NKD1: variants seen among roughly 807,000 people sequenced by gnomAD.
NKD1 encodes the protein protein naked cuticle homolog 1.
Under a neutral mutation model 56.0 loss-of-function variants are expected in NKD1, and 21 were observed. That is an observed-to-expected ratio of 0.38 (90% CI 0.27 to 0.54). NKD1 has a LOEUF of 0.54. NKD1 is among the 20% of genes least tolerant of loss of function. NKD1 has a pLI of 0.82. For missense variants in NKD1, 578 were observed against 642.7 expected (o/e 0.90, Z 1.09); for synonymous variants, 263 against 265.7 (o/e 0.99, Z 0.10).
In NKD1 at chr16:50,575,408, A is replaced by G. The variant is rs191309511; in HGVS notation, c.192+25853A>G. ...GAGGGTAATTGTATTTTCGGGGAGA[A>G]AGAACAAATGGGGTTGTCTGTGTTC... On this transcript the variant is annotated intron_variant, in intron 3 of 9. Coordinates refer to ENST00000268459, the MANE Select transcript of NKD1 (RefSeq NM_033119.5). 3.4e-5 allele frequency: 31 copies of G among 920,494 alleles called. No individual in the cohort carries two copies. The Admixed American group carries it at 4.3e-4, about 13-fold the overall frequency. 57.0% of individuals were successfully genotyped at this position (920,494 alleles called of 1,614,324 possible).
At chr16:50,565,371 C>CAAA (rs200279746) in intron 3 of NKD1, among the ~76,000 whole-genome samples, 1 of 110,938 alleles carries the variant, frequency 9.0e-6, no homozygotes, top group Admixed American at 1.0e-4. Context: ...GACTCCGTCT[C>CAAA]AAAAAAAAAA....
At chr16:50,589,766 C>CCTCTT in intron 3 of NKD1, among the ~76,000 whole-genome samples, 1 of 57,934 alleles carries the variant, frequency 1.7e-5, no homozygotes, top group East Asian at 6.4e-4. Flanking sequence ...TCTCTTCTCT[C>CCTCTT]CTCTCCTCTC....
At position 50,633,793 on chromosome 16, in the gene NKD1, A is replaced by AGGGCCC; in HGVS notation, c.*13_*18dup. ...TCTACCAGACATAGAGCCCCTCCCC[A>AGGGCCC]GGGCCCCACCCTGCCATATGAAGGA... On this transcript the variant is annotated 3_prime_UTR_variant, in exon 10 of 10. Coordinates refer to ENST00000268459, the MANE Select transcript of NKD1 (RefSeq NM_033119.5). This position sits in a 1 kb window ranked among gnomAD's most constrained non-coding sequence, Gnocchi z 4.9. 1 of 1,407,538 alleles carries AGGGCCC rather than the reference A, an allele frequency of 7.1e-7. No individual in the cohort carries two copies. The highest frequency in any genetic ancestry group is 9.5e-7 in the Non-Finnish European group (1 of 1,053,818). 87.2% of individuals were successfully genotyped at this position (1,407,538 alleles called of 1,614,324 possible). A position where few individuals can be genotyped will look rare whatever the true frequency, so the allele number is the denominator to read the frequency against.
intron 4 of NKD1, among the ~76,000 whole-genome samples, chr16:50,610,758 A>G (rs1454202605): frequency 6.6e-6 from 1 of 152,194 alleles, no homozygotes; most frequent in Non-Finnish European, 1.5e-5. Context: ...GCCGGCCCTA[A>G]TCCAGCATCT....
intron 3 of NKD1, among the ~76,000 whole-genome samples, chr16:50,589,753 T>C (rs1352955408): frequency 1.1e-5 from 1 of 91,198 alleles, no homozygotes; most frequent in East Asian, 3.2e-4. Flanking sequence ...TCTTCTCTTC[T>C]CTTCTCTTCT....
chr16:50,579,768 C>T (rs984183063), intron 3 of NKD1, among the ~76,000 whole-genome samples: 11 of 148,722 alleles, frequency 7.4e-5, no homozygotes, highest in Non-Finnish European at 1.2e-4. Context: ...GCGGGCTACC[C>T]GCTACACACG....
chr16:50,628,879 C>T (rs1021941722), intron 6 of NKD1, among the ~76,000 whole-genome samples: 20 of 152,046 alleles, frequency 1.3e-4, no homozygotes, highest in African/African-American at 4.6e-4. Flanking sequence ...CTGGTGAGGG[C>T]TCGCTTCCTG....
intron 3 of NKD1, among the ~76,000 whole-genome samples, chr16:50,599,646 A>T (rs1320493958): frequency 6.6e-6 from 1 of 152,082 alleles, no homozygotes; most frequent in African/African-American, 2.4e-5. Context: ...TATATTCATG[A>T]CCTCAGTTAC....
intron 8 of NKD1, 90 bp downstream of exon 8, chr16:50,631,000 CTG>C (rs1447542473): frequency 1.0e-6 from 1 of 992,586 alleles, no homozygotes; most frequent in African/African-American, 1.6e-5. Context: ...TTGCTCTGGT[CTG>C]TGTTCTCTTC....
At chr16:50,594,398 C>T (rs1007277211) in intron 3 of NKD1, among the ~76,000 whole-genome samples, 1 of 152,208 alleles carries the variant, frequency 6.6e-6, no homozygotes, top group South Asian at 2.1e-4. Flanking sequence ...CTCCAACTAC[C>T]CGCGTAGTTC....
intron 3 of NKD1, among the ~76,000 whole-genome samples, chr16:50,583,054 C>T (rs981046134): frequency 2.0e-5 from 3 of 152,126 alleles, no homozygotes; most frequent in Admixed American, 6.5e-5. Flanking sequence ...GTGCTGCTAC[C>T]GACTTGGGTG....
At position 50,633,339 on chromosome 16, in the gene NKD1, C is replaced by A. The variant is rs139958715; in HGVS notation, c.971C>A (p.Pro324Gln). The A allele has an allele frequency of 1.9e-5, 31 of 1,614,058 alleles. No individual in the cohort carries two copies. The highest frequency in any genetic ancestry group is 2.5e-5 in the Non-Finnish European group (30 of 1,180,024). ...GCCTCCTTCCACTTCCTTGACACCC[C>A]AATCGCCAAGGTCTCAGAGCTCCAG... ...DPASFHFLDT[P>Q]IAKVSELQQR... The change falls in exon 10 of 10, where the codon CCA becomes CAA. Residue 324 changes from proline (P) to glutamine (Q), a missense_variant. Pro to Gln is a moderately conservative substitution (Grantham distance 76). Transcript: ENST00000268459. This position sits in a 1 kb window ranked among gnomAD's most constrained non-coding sequence, Gnocchi z 4.9.
chr16:50,574,036 C>T, intron 3 of NKD1: 3 of 902,676 alleles, frequency 3.3e-6, no homozygotes, highest in Non-Finnish European at 4.0e-6. Flanking sequence ...TATGTCTTTT[C>T]AGTACTTTTT....
At chr16:50,587,286 A>G (rs1028563454) in intron 3 of NKD1, among the ~76,000 whole-genome samples, 6 of 152,226 alleles carry the variant, frequency 3.9e-5, no homozygotes, top group Non-Finnish European at 7.3e-5. Context: ...TTCCTAGACT[A>G]TGTCAAGACT....
At chr16:50,592,212 G>A (rs1283601486) in intron 3 of NKD1, among the ~76,000 whole-genome samples, 7 of 152,204 alleles carry the variant, frequency 4.6e-5, no homozygotes, top group Non-Finnish European at 7.3e-5. Context: ...GCTGTCCCAA[G>A]GCCAGCGCGT....
intron 3 of NKD1, among the ~76,000 whole-genome samples, chr16:50,560,795 A>G (rs1337436133): frequency 6.7e-6 from 1 of 149,338 alleles, no homozygotes; most frequent in Non-Finnish European, 1.5e-5. Flanking sequence ...ATGTATACAC[A>G]CACTTTACAC....
intron 3 of NKD1, chr16:50,552,423 G>T (rs890849595): frequency 5.3e-5 from 8 of 152,246 alleles, no homozygotes; most frequent in African/African-American, 1.9e-4. Context: ...TGAGCCAGTC[G>T]TGGGGCAGGC....
chr16:50,599,337 T>C lies in NKD1; in HGVS notation c.193-8957T>C, dbSNP rs1596731875. ...CAACTGCCCTGCCAGGTGGGGGCTGTCATTTCCACTTTCAGCTGGGGAAAC... is the reference window on the plus strand; with the variant it reads ...CAACTGCCCTGCCAGGTGGGGGCTGCCATTTCCACTTTCAGCTGGGGAAAC... On this transcript the variant is annotated intron_variant, in intron 3 of 9. Transcript: ENST00000268459. 2.0e-5 allele frequency among the ~76,000 whole-genome samples: 3 copies of C among 152,220 alleles called. No individual in the cohort carries two copies. In the South Asian group the frequency reaches 6.2e-4, roughly 32 times the overall value.
intron 3 of NKD1, among the ~76,000 whole-genome samples, chr16:50,565,913 G>A (rs2151265326): frequency 6.6e-6 from 1 of 152,220 alleles, no homozygotes; most frequent in African/African-American, 2.4e-5. Flanking sequence ...CTTACTACTG[G>A]GCATTTAGAT....
Sources: gnomAD v4.1 joint callset for allele counts (sites outside exome capture counted in the v4.1 genomes callset) on GRCh38, gnomAD v4.1.1 for gene constraint, Gnocchi (gnomAD v3.1) non-coding constraint, MANE v1.5 for transcripts, NCBI Gene and HGNC (gene_info 2026-07-23, HGNC 2026-07-21) for gene names.